The following SND1 variants were observed in gnomAD, a reference collection of about 807,000 sequenced individuals.
SND1 encodes the protein staphylococcal nuclease and tudor domain containing 1, also known as staphylococcal nuclease domain-containing protein 1.
In SND1, 38 loss-of-function variants were observed where a neutral mutation model predicts 121.7. The observed-to-expected ratio is 0.31, with a 90% CI of 0.24 to 0.41. The LOEUF (loss-of-function observed/expected upper bound fraction) is 0.41, where lower values mean the gene tolerates loss of function less well. Among genes scored for constraint, SND1 ranks in the 10% least tolerant of loss-of-function variants. The pLI is 1.00. For synonymous variants in SND1, 401 were observed against 447.4 expected (o/e 0.90, Z 1.31); for missense variants, 868 against 1,184.6 (o/e 0.73, Z 3.92).
intron 10 of SND1, among the ~76,000 whole-genome samples, chr7:127,758,818 G>C (rs1046892979): frequency 6.6e-6 from 1 of 152,058 alleles, no homozygotes; most frequent in East Asian, 1.9e-4. Flanking sequence ...CTTTGGGGAG[G>C]CTGAGGCAGG....
chr7:128,089,616 G>A lies in SND1; in HGVS notation c.2546G>A (p.Gly849Asp). The A allele has an allele frequency of 6.8e-6, 11 of 1,614,228 alleles. No homozygotes were observed. The highest frequency in any genetic ancestry group is 9.3e-6 in the Non-Finnish European group (11 of 1,180,052). ...ACCCTGCAGTTTGCAGATTCCAAGG[G>A]CGATGTGGGGCTGGGCTTGGTGAAG... ...HVTLQFADSK[G>D]DVGLGLVKEG... The change falls in exon 22 of 24, where the codon GGC becomes GAC. Residue 849 changes from glycine to aspartate, a missense_variant. This residue lies in a region of SND1 where 743 missense variants were observed against 1,071.3 expected (regional missense o/e 0.69). Coordinates refer to ENST00000354725, the MANE Select transcript of SND1 (RefSeq NM_014390.4).
At chr7:128,013,747 G>A (rs1456546839) in intron 16 of SND1, among the ~76,000 whole-genome samples, 1 of 152,208 alleles carries the variant, frequency 6.6e-6, no homozygotes, top group Non-Finnish European at 1.5e-5. Flanking sequence ...TGCCACTGCT[G>A]CTGATCTCAC....
intron 14 of SND1, among the ~76,000 whole-genome samples, chr7:127,927,841 T>C (rs1478101565): frequency 6.6e-6 from 1 of 152,214 alleles, no homozygotes; most frequent in Admixed American, 6.5e-5. Context: ...AAAATAGCTC[T>C]GTTGTTAGAA....
At chr7:127,977,607 T>TA (rs534284976) in intron 15 of SND1, among the ~76,000 whole-genome samples, 34 of 151,968 alleles carry the variant, frequency 2.2e-4, no homozygotes, top group African/African-American at 7.7e-4. Context: ...TAAAGAATAG[T>TA]ATGGTATAAA....
At chr7:127,716,658 T>C (rs1796396673) in intron 9 of SND1, among the ~76,000 whole-genome samples, 1 of 152,234 alleles carries the variant, frequency 6.6e-6, no homozygotes, top group South Asian at 2.1e-4. Flanking sequence ...TTTATTTCTT[T>C]CCTTCCAATT....
chr7:127,997,475 C>G (rs1802692931), intron 16 of SND1: 1 of 341,630 alleles, frequency 2.9e-6, no homozygotes, highest in South Asian at 2.3e-5. Flanking sequence ...CCCACAGCTC[C>G]TGTGTCTGTT....
At chr7:127,736,626 C>T (rs1274057631) in intron 10 of SND1, among the ~76,000 whole-genome samples, 1 of 152,190 alleles carries the variant, frequency 6.6e-6, no homozygotes, top group Non-Finnish European at 1.5e-5. Flanking sequence ...ACCACAGATA[C>T]ATGTTCCCAG....
intron 11 of SND1, among the ~76,000 whole-genome samples, chr7:127,835,362 G>C (rs531707139): frequency 5.9e-4 from 90 of 152,244 alleles, no homozygotes; most frequent in Admixed American, 1.4e-3. Flanking sequence ...TCTGGAAAAA[G>C]GGATTTAATT....
intron 11 of SND1, among the ~76,000 whole-genome samples, chr7:127,824,260 A>G (rs991619900): frequency 1.3e-5 from 2 of 152,224 alleles, no homozygotes; most frequent in Admixed American, 6.5e-5. Flanking sequence ...CCACAGCAAT[A>G]GTGTTATTTG....
chr7:127,813,218 ATG>A (rs1798365006), intron 11 of SND1, among the ~76,000 whole-genome samples: 1 of 152,192 alleles, frequency 6.6e-6, no homozygotes, highest in Admixed American at 6.5e-5. Flanking sequence ...AGTGGTAGTA[ATG>A]TGTCAACATG....
chr7:128,016,702 G>C (rs1803232557), intron 16 of SND1, among the ~76,000 whole-genome samples: 1 of 152,208 alleles, frequency 6.6e-6, no homozygotes, highest in Admixed American at 6.5e-5. Context: ...TCACATGATA[G>C]ATCTCACCAC....
intron 13 of SND1, among the ~76,000 whole-genome samples, chr7:127,898,680 C>A (rs1237194630): frequency 6.6e-6 from 1 of 152,124 alleles, no homozygotes; most frequent in Non-Finnish European, 1.5e-5. Context: ...AATTTTTCTT[C>A]CTACTGAGTC....
At chr7:127,904,322 T>C in intron 13 of SND1, 1 of 155,340 alleles carries the variant, frequency 6.4e-6, no homozygotes, top group East Asian at 1.9e-4. Context: ...GGAACTTATT[T>C]CCATTAGAAT....
intron 15 of SND1, among the ~76,000 whole-genome samples, chr7:127,935,753 C>G (rs1031425946): frequency 6.6e-6 from 1 of 152,196 alleles, no homozygotes; most frequent in African/African-American, 2.4e-5. Flanking sequence ...GCCGTATGCA[C>G]CCTCCATTAT....
chr7:128,034,152 G>A (rs1039496078), intron 16 of SND1, among the ~76,000 whole-genome samples: 1 of 152,144 alleles, frequency 6.6e-6, no homozygotes, highest in African/African-American at 2.4e-5. Flanking sequence ...AGGAATGCCC[G>A]CTGTGTCTAC....
intron 7 of SND1, 110 bp downstream of exon 7, chr7:127,703,433 G>T: frequency 7.6e-7 from 1 of 1,313,360 alleles, no homozygotes; most frequent in Non-Finnish European, 1.0e-6. Flanking sequence ...TAAGATATTG[G>T]CCAGTTGTGG....
chr7:128,050,635 G>A (rs73721288), intron 16 of SND1, among the ~76,000 whole-genome samples: 2,127 of 152,228 alleles, frequency 0.014, 60 homozygotes, highest in African/African-American at 0.049. Context: ...CAAGTTTCTG[G>A]CTGATTTTTT....
chr7:127,816,662 C>CTTT (rs919893026), intron 11 of SND1, among the ~76,000 whole-genome samples: 12 of 135,240 alleles, frequency 8.9e-5, no homozygotes, highest in South Asian at 2.3e-4. Flanking sequence ...TTCTCAAACT[C>CTTT]TTTTTTTTTT....
rs569023978 is a variant in SND1 at position 127,947,443 on chromosome 7, G to C, written c.1669+18114G>C. Among the ~76,000 whole-genome samples, 3 of 152,270 alleles carry C rather than the reference G, an allele frequency of 2.0e-5. No individual in the cohort carries two copies. In the South Asian group the frequency reaches 6.2e-4, roughly 32 times the overall value. Reference sequence around the variant, plus strand: ...AAATAATCCACTTCATATACACTTCGAAGCATGTTTGGATTCTGTTATTTA... The same window carrying C: ...AAATAATCCACTTCATATACACTTCCAAGCATGTTTGGATTCTGTTATTTA... On this transcript the variant is annotated intron_variant, in intron 15 of 23. Transcript: ENST00000354725.
Sources: gnomAD v4.1 joint callset for allele counts (sites outside exome capture counted in the v4.1 genomes callset) on GRCh38, gnomAD v4.1.1 for gene constraint, gnomAD v4.1.1 regional missense constraint, MANE v1.5 for transcripts, NCBI Gene and HGNC (gene_info 2026-07-23, HGNC 2026-07-21) for gene names.